The following ADAM2 variants were observed in gnomAD, a reference collection of about 807,000 sequenced individuals.
The protein encoded by ADAM2 is ADAM metallopeptidase domain 2, also known as disintegrin and metalloproteinase domain-containing protein 2.
A neutral mutation model predicts 99.3 loss-of-function variants in ADAM2; 101 were observed. The ratio of observed to expected loss-of-function variants is 1.02; its 90% CI spans 0.87 to 1.20. The LOEUF is 1.20. Ranked by LOEUF, ADAM2 falls within the 50% of genes most tolerant of loss-of-function variation. The probability of loss-of-function intolerance (pLI) is 0.00; values close to 1 mark genes in which losing one functional copy is unlikely to be tolerated. For synonymous variants in ADAM2, 323 were observed against 287.6 expected (o/e 1.12, Z -1.25); for missense variants, 948 against 878.7 (o/e 1.08, Z -1.00).
At chr8:39,751,014 C>CAA (rs1239667647) in intron 16 of ADAM2, among the ~76,000 whole-genome samples, 2 of 152,132 alleles carry the variant, frequency 1.3e-5, no homozygotes, top group Non-Finnish European at 2.9e-5. Flanking sequence ...GATCATAACA[C>CAA]ACTAACTTTT....
At chr8:39,746,680 G>C in intron 18 of ADAM2, 49 bp from the exon 19 acceptor site, 10 of 1,402,720 alleles carry the variant, frequency 7.1e-6, no homozygotes, top group South Asian at 1.4e-5. Flanking sequence ...CAGAAATATA[G>C]TAAAGATATT....
At chr8:39,826,636 T>C (rs142010560) in intron 3 of ADAM2, among the ~76,000 whole-genome samples, 24,257 of 150,214 alleles carry the variant, frequency 0.16, 2,289 homozygotes, top group Non-Finnish European at 0.21. Context: ...GGCAGGAGAA[T>C]GGTGTGAACC....
intron 11 of ADAM2, among the ~76,000 whole-genome samples, chr8:39,776,652 T>C (rs551961803): frequency 6.6e-6 from 1 of 152,150 alleles, no homozygotes; most frequent in Non-Finnish European, 1.5e-5. Flanking sequence ...CAACAGATGC[T>C]GAGACTTCAG....
chr8:39,768,162 A>G (rs971493071), intron 12 of ADAM2, among the ~76,000 whole-genome samples: 1 of 152,172 alleles, frequency 6.6e-6, no homozygotes, highest in East Asian at 1.9e-4. Flanking sequence ...CCTCAATTAT[A>G]TAACATTTCG....
At chr8:39,795,480 C>T (rs917543345) in intron 7 of ADAM2, among the ~76,000 whole-genome samples, 2 of 152,134 alleles carry the variant, frequency 1.3e-5, no homozygotes, top group East Asian at 1.9e-4. Flanking sequence ...AATTGGAAAC[C>T]AGACATTTCT....
chr8:39,826,184 A>G (rs758861204), intron 3 of ADAM2, among the ~76,000 whole-genome samples: 5 of 152,230 alleles, frequency 3.3e-5, no homozygotes, highest in Non-Finnish European at 5.9e-5. Context: ...ACTTGACTTC[A>G]AACTATACTG....
intron 11 of ADAM2, among the ~76,000 whole-genome samples, chr8:39,775,174 C>A (rs184046040): frequency 1.3e-5 from 2 of 151,990 alleles, no homozygotes; most frequent in Non-Finnish European, 2.9e-5. Flanking sequence ...AGAAGGAGTG[C>A]GTACATTTCA....
rs748102689 is a variant in ADAM2, at chr8:39,831,212, G to A, written c.188+2732C>T. On this transcript the variant is annotated intron_variant, in intron 3 of 20. Coordinates refer to ENST00000265708, the MANE Select transcript of ADAM2 (RefSeq NM_001464.5). ...GGACAAAAGGATGCTACCCAATACT[G>A]ACTGAGGCAGAAATAGCATCACATG... Among the ~76,000 whole-genome samples, 24 of 151,996 alleles carry A rather than the reference G, an allele frequency of 1.6e-4. 1 individual carries two copies. The highest frequency in any genetic ancestry group is 5.2e-4 in the Admixed American group (8 of 15,250).
At chr8:39,751,158 G>A (rs1801926107) in intron 16 of ADAM2, among the ~76,000 whole-genome samples, 1 of 152,166 alleles carries the variant, frequency 6.6e-6, no homozygotes, top group African/African-American at 2.4e-5. Flanking sequence ...ATGGACTAAT[G>A]ATGAATAGAT....
At chr8:39,766,818 A>G in intron 14 of ADAM2, 30 bp downstream of exon 14, 1 of 1,502,102 alleles carries the variant, frequency 6.7e-7, no homozygotes, top group Admixed American at 1.9e-5. Context: ...AAAAAAACGC[A>G]TATATGAGAA....
At chr8:39,821,747 TGTTTTTATGCATCAA>T in intron 4 of ADAM2, 85 bp from the exon 5 acceptor site, 1 of 917,658 alleles carries the variant, frequency 1.1e-6, no homozygotes, top group Non-Finnish European at 1.7e-6. Flanking sequence ...ATATGTGTTT[TGTTTTTATGCATCAA>T]ACACTCATGT....
Position 39,830,190 on chromosome 8 carries a change from A to G in ADAM2, c.188+3754T>C, listed in dbSNP as rs200054516. Among the ~76,000 whole-genome samples the G allele has an allele frequency of 3.3e-5, 5 of 152,276 alleles. No homozygotes were observed. The East Asian group carries it at 9.6e-4, about 29-fold the overall frequency. The stretch of plus-strand genomic sequence containing the variant: ...CATTTAAAAATTTTAAAGATAATTG[A>G]CAGTGATTTTTGTGACAGAAAGGAG... On this transcript the variant is annotated intron_variant, in intron 3 of 20. Coordinates refer to ENST00000265708, the MANE Select transcript of ADAM2 (RefSeq NM_001464.5).
At chr8:39,768,255 G>A (rs1802644370) in intron 12 of ADAM2, among the ~76,000 whole-genome samples, 1 of 151,978 alleles carries the variant, frequency 6.6e-6, no homozygotes, top group African/African-American at 2.4e-5. Context: ...AAAACAAGTG[G>A]GTGACGAGGA....
intron 16 of ADAM2, among the ~76,000 whole-genome samples, chr8:39,752,024 G>A (rs935395863): frequency 6.6e-6 from 1 of 152,004 alleles, no homozygotes; most frequent in Non-Finnish European, 1.5e-5. Context: ...GTAGAGACGG[G>A]GCTTCACCAT....
chr8:39,764,434 TC>T (rs1802484252), intron 14 of ADAM2, among the ~76,000 whole-genome samples: 1 of 151,704 alleles, frequency 6.6e-6, no homozygotes. Flanking sequence ...GGGAGGGGAG[TC>T]CTGTTTTATT....
At chr8:39,802,249 C>T (rs759791207) in intron 7 of ADAM2, among the ~76,000 whole-genome samples, 2 of 152,176 alleles carry the variant, frequency 1.3e-5, no homozygotes, top group Non-Finnish European at 2.9e-5. Flanking sequence ...CCGTGCGGCT[C>T]TCAGGTGGGC....
chr8:39,755,947 A>T (rs987424179), intron 15 of ADAM2, 36 bp from the exon 16 acceptor site: 4 of 1,151,736 alleles, frequency 3.5e-6, no homozygotes, highest in Non-Finnish European at 3.7e-6. Context: ...TATTAATTTT[A>T]ATTTAGAGAA....
intron 1 of ADAM2, 143 bp from the exon 2 acceptor site, chr8:39,837,355 AAGG>A: frequency 1.8e-6 from 1 of 561,740 alleles, no homozygotes; most frequent in Non-Finnish European, 2.9e-6. Context: ...CTAAAAATAC[AAGG>A]AGGTTTTTTT....
chr8:39,799,891 C>T lies in ADAM2; in HGVS notation c.570+9519G>A, dbSNP rs1047882189. 3.3e-5 allele frequency among the ~76,000 whole-genome samples: 5 copies of T among 152,026 alleles called. No homozygotes were observed. In the East Asian group the frequency reaches 7.7e-4, roughly 23 times the overall value. Reference sequence around the variant, plus strand: ...CTTTCCATTTACTTGGTAAATATTCCCCATCCCTTTATTTTGAGCCTGTGT... The same window carrying T: ...CTTTCCATTTACTTGGTAAATATTCTCCATCCCTTTATTTTGAGCCTGTGT... On this transcript the variant is annotated intron_variant, in intron 7 of 20. Coordinates refer to ENST00000265708, the MANE Select transcript of ADAM2 (RefSeq NM_001464.5).
Sources: allele counts gnomAD v4.1 joint callset (sites outside exome capture counted in the v4.1 genomes callset), GRCh38; gene constraint gnomAD v4.1.1; transcripts MANE v1.5; gene names NCBI Gene and HGNC (gene_info 2026-07-23, HGNC 2026-07-21).